EMSY: variants seen among roughly 807,000 people sequenced by gnomAD.
EMSY encodes EMSY transcriptional repressor, BRCA2 interacting.
In EMSY, 26 loss-of-function variants were observed where a neutral mutation model predicts 134.6. The ratio of observed to expected loss-of-function variants is 0.19; its 90% CI spans 0.14 to 0.27. The LOEUF (loss-of-function observed/expected upper bound fraction) is 0.27, where lower values mean the gene tolerates loss of function less well. Among genes scored for constraint, EMSY ranks in the 10% least tolerant of loss-of-function variants. The pLI is 1.00. For synonymous variants in EMSY, 579 were observed against 577.8 expected (o/e 1.00, Z -0.03); for missense variants, 1,305 against 1,611.4 (o/e 0.81, Z 3.26).
intron 17 of EMSY, among the ~76,000 whole-genome samples, chr11:76,541,322 G>T (rs1018949821): frequency 6.6e-6 from 1 of 152,094 alleles, no homozygotes; most frequent in Non-Finnish European, 1.5e-5. Context: ...TAAGAAGCAG[G>T]GATGTTTCCT....
chr11:76,528,908 A>G (rs1020153960), intron 14 of EMSY, among the ~76,000 whole-genome samples: 2 of 152,124 alleles, frequency 1.3e-5, no homozygotes, highest in Admixed American at 6.5e-5. Context: ...AAGTAGGGTG[A>G]CTATACATTC....
exon 14 of EMSY, chr11:76,528,361 A>C: frequency 6.2e-7 from 1 of 1,612,860 alleles, no homozygotes; most frequent in Admixed American, 1.7e-5. Flanking sequence ...GCAAGCATCC[A>C]GGGTAGCAGA....
At chr11:76,486,021 A>G in intron 8 of EMSY, among the ~76,000 whole-genome samples, 1 of 152,232 alleles carries the variant, frequency 6.6e-6, no homozygotes, top group East Asian at 1.9e-4. Flanking sequence ...TCAGTGGTAG[A>G]CTGGGTAAAG....
At chr11:76,480,994 T>G (rs1473357087) in intron 8 of EMSY, among the ~76,000 whole-genome samples, 1 of 152,178 alleles carries the variant, frequency 6.6e-6, no homozygotes, top group Non-Finnish European at 1.5e-5. Context: ...GGGTGGCCGT[T>G]TGGGCAGACA....
intron 14 of EMSY, among the ~76,000 whole-genome samples, chr11:76,529,325 G>T (rs1460333862): frequency 6.6e-6 from 1 of 152,042 alleles, no homozygotes; most frequent in Non-Finnish European, 1.5e-5. Flanking sequence ...CCTCTCTGGG[G>T]TGCTTTCTTA....
At chr11:76,485,602 C>A (rs969041418) in intron 8 of EMSY, among the ~76,000 whole-genome samples, 3 of 152,118 alleles carry the variant, frequency 2.0e-5, no homozygotes, top group Non-Finnish European at 4.4e-5. Flanking sequence ...ACTGAATGGG[C>A]AAAAGCTGGA....
At chr11:76,492,037 C>G (rs1949445460) in intron 8 of EMSY, among the ~76,000 whole-genome samples, 1 of 152,136 alleles carries the variant, frequency 6.6e-6, no homozygotes, top group Non-Finnish European at 1.5e-5. Flanking sequence ...AGGGACTGTT[C>G]CATGGATACC....
At chr11:76,538,136 T>C (rs1951294176) in intron 16 of EMSY, among the ~76,000 whole-genome samples, 186 bp downstream of exon 17, 2 of 152,230 alleles carry the variant, frequency 1.3e-5, no homozygotes, top group Non-Finnish European at 2.9e-5. Flanking sequence ...AATAGGATGT[T>C]ATGAAGTTTG....
At chr11:76,504,428 A>G (rs2135965293) in intron 9 of EMSY, among the ~76,000 whole-genome samples, 1 of 152,196 alleles carries the variant, frequency 6.6e-6, no homozygotes, top group East Asian at 1.9e-4. Flanking sequence ...GCACATGAAA[A>G]CATGCTAAAC....
At chr11:76,544,425 T>G in exon 19 of EMSY, 1 of 1,613,990 alleles carries the variant, frequency 6.2e-7, no homozygotes, top group Non-Finnish European at 8.5e-7. Context: ...CAGCCCCCGC[T>G]GGAACAGACT....
chr11:76,467,371 A>T lies in EMSY; in HGVS notation c.831+3291A>T, dbSNP rs541911928. On this transcript the variant is annotated intron_variant, in intron 7 of 20. Transcript: ENST00000334736. ...TTTAGTATTTGAGAAATAGTAAAGCAAAGCTGTAGCTAAAAGCGTACCTAC... is the reference window on the plus strand; with the variant it reads ...TTTAGTATTTGAGAAATAGTAAAGCTAAGCTGTAGCTAAAAGCGTACCTAC... Among the ~76,000 whole-genome samples the T allele has an allele frequency of 6.8e-4, 104 of 152,380 alleles. 1 individual carries two copies. The highest frequency in any genetic ancestry group is 2.4e-3 in the African/African-American group (100 of 41,592).
At chr11:76,542,346 A>G (rs1951469668) in exon 18 of EMSY, 1 of 1,614,150 alleles carries the variant, frequency 6.2e-7, no homozygotes, top group Non-Finnish European at 8.5e-7. Flanking sequence ...CCCCTGGAGC[A>G]ATCACCCACA....
intron 19 of EMSY, among the ~76,000 whole-genome samples, chr11:76,545,361 T>C (rs1175904951): frequency 6.6e-6 from 1 of 152,124 alleles, no homozygotes; most frequent in East Asian, 1.9e-4. Context: ...GAGTGATGTA[T>C]ATGTATGTAT....
At chr11:76,547,915 A>G (rs1010907165) in intron 20 of EMSY, among the ~76,000 whole-genome samples, 2 of 152,210 alleles carry the variant, frequency 1.3e-5, no homozygotes, top group Non-Finnish European at 2.9e-5. Context: ...TGTCAGAGGT[A>G]AGGACAGCAG....
At chr11:76,545,329 A>G (rs1219607117) in intron 19 of EMSY, among the ~76,000 whole-genome samples, 1 of 152,184 alleles carries the variant, frequency 6.6e-6, no homozygotes, top group Admixed American at 6.5e-5. Context: ...GCAAAATTAT[A>G]TTAGCAAAAC....
At chr11:76,544,399 A>G in exon 19 of EMSY, 2 of 1,614,166 alleles carry the variant, frequency 1.2e-6, no homozygotes, top group African/African-American at 2.7e-5. Context: ...AGTCAGCTAA[A>G]CAGCAGAAAC....
chr11:76,544,288 A>G, exon 19 of EMSY: 4 of 1,613,954 alleles, frequency 2.5e-6, no homozygotes, highest in Non-Finnish European at 2.5e-6. Context: ...CTTTTACCAA[A>G]CACAGCGAGG....
chr11:76,545,536 G>C (rs919530103), intron 19 of EMSY, among the ~76,000 whole-genome samples: 2 of 152,138 alleles, frequency 1.3e-5, no homozygotes, highest in Non-Finnish European at 2.9e-5. Context: ...AGGAAAACTA[G>C]GCTGCTGAGA....
chr11:76,494,861 G>C (rs567024131), intron 8 of EMSY, among the ~76,000 whole-genome samples: 16 of 151,916 alleles, frequency 1.1e-4, no homozygotes, highest in Non-Finnish European at 2.2e-4. Flanking sequence ...TCACCTTCCC[G>C]AGTAGCTGGG....
Sources: allele counts gnomAD v4.1 joint callset (sites outside exome capture counted in the v4.1 genomes callset), GRCh38; gene constraint gnomAD v4.1.1; transcripts MANE v1.5; gene names NCBI Gene and HGNC (gene_info 2026-07-23, HGNC 2026-07-21).